The following F13A1 variants were observed in gnomAD, a reference collection of about 807,000 sequenced individuals.
F13A1 encodes coagulation factor XIII A chain.
F13A1 carries 47 observed loss-of-function variants against 80.1 expected under a neutral mutation model. The ratio of observed to expected loss-of-function variants is 0.59; its 90% CI spans 0.46 to 0.75. The LOEUF (loss-of-function observed/expected upper bound fraction) is 0.75, where lower values mean the gene tolerates loss of function less well. Ranked by LOEUF, F13A1 falls within the 30% of genes least tolerant of loss-of-function variation. The probability of loss-of-function intolerance (pLI) is 0.00; values close to 1 mark genes in which losing one functional copy is unlikely to be tolerated. For synonymous variants in F13A1, 349 were observed against 344.9 expected, an observed-to-expected ratio of 1.01 and a Z score of -0.13; for missense variants, 817 against 930.4, an observed-to-expected ratio of 0.88 and a Z score of 1.59.
At chr6:6,184,886 G>A (rs549612025) in intron 10 of F13A1, among the ~76,000 whole-genome samples, 24 of 152,264 alleles carry the variant, frequency 1.6e-4, no homozygotes, top group Non-Finnish European at 1.0e-4. Flanking sequence ...GTGGGATGTG[G>A]AGGGAAATTA....
intron 6 of F13A1, among the ~76,000 whole-genome samples, chr6:6,236,354 T>A (rs1157250482): frequency 1.3e-5 from 2 of 152,112 alleles, no homozygotes; most frequent in Non-Finnish European, 1.5e-5. Context: ...TAAACCAGCA[T>A]CTATAGTATA....
intron 6 of F13A1, among the ~76,000 whole-genome samples, chr6:6,225,497 C>G (rs1757263861): frequency 6.7e-6 from 1 of 150,276 alleles, no homozygotes; most frequent in African/African-American, 2.5e-5. Context: ...TTTTTCTTTT[C>G]TTTTCTCTCT....
chr6:6,166,235 G>T (rs1583051308), intron 13 of F13A1, among the ~76,000 whole-genome samples: 1 of 152,366 alleles, frequency 6.6e-6, no homozygotes, highest in East Asian at 1.9e-4. Context: ...TTGTGGGGTT[G>T]TTGGTGGTTG....
intron 4 of F13A1, among the ~76,000 whole-genome samples, chr6:6,266,324 C>A (rs952090217): frequency 1.3e-5 from 2 of 152,114 alleles, no homozygotes; most frequent in African/African-American, 2.4e-5. Context: ...CTCCAACTCC[C>A]GAACTCAAGC....
At chr6:6,219,212 G>C (rs1001285989) in intron 8 of F13A1, among the ~76,000 whole-genome samples, 2 of 151,936 alleles carry the variant, frequency 1.3e-5, no homozygotes, top group Non-Finnish European at 2.9e-5. Context: ...TCCTTGCTAG[G>C]AAATCCATCA....
intron 13 of F13A1, among the ~76,000 whole-genome samples, chr6:6,163,675 C>CT (rs1561639903): frequency 1.3e-5 from 2 of 152,156 alleles, no homozygotes. Flanking sequence ...TGACCTCATC[C>CT]TTTTTTACAG....
rs542494155 is a variant in F13A1, at chr6:6,190,949, G to C, written c.1305+4848C>G. Among the ~76,000 whole-genome samples, 279 of 152,186 alleles carry C rather than the reference G, an allele frequency of 1.8e-3. 1 individual carries two copies. The highest frequency in any genetic ancestry group is 6.4e-3 in the African/African-American group (266 of 41,516). The stretch of plus-strand genomic sequence containing the variant: ...TGGTGCGCCGTTTTTTAAGCCCGTC[G>C]GAAAAGCGCAGTATTTGGGTGTGAG... On this transcript the variant is annotated intron_variant, in intron 10 of 14. Coordinates refer to ENST00000264870, the MANE Select transcript of F13A1 (RefSeq NM_000129.4).
chr6:6,158,264 G>A (rs992342577), intron 13 of F13A1, among the ~76,000 whole-genome samples: 2 of 152,090 alleles, frequency 1.3e-5, no homozygotes, highest in African/African-American at 4.8e-5. Context: ...GCTATTCCAG[G>A]CCAAGCTGAA....
intron 7 of F13A1, among the ~76,000 whole-genome samples, chr6:6,223,186 T>C (rs987872930): frequency 6.6e-6 from 1 of 152,242 alleles, no homozygotes; most frequent in Non-Finnish European, 1.5e-5. Context: ...CATCTTCAGG[T>C]TTACTCTCGT....
chr6:6,243,257 C>T lies in F13A1; in HGVS notation c.798+5055G>A, dbSNP rs541038774. On this transcript the variant is annotated intron_variant, in intron 6 of 14. Transcript: ENST00000264870. The surrounding 1 kb of genome is among the most constrained non-coding windows in gnomAD (Gnocchi z 4.2). Reference sequence around the variant, plus strand: ...CCATCTCCACCACCACCATCACCATCATCATCACTATCACCACCATAATCA... The same window carrying T: ...CCATCTCCACCACCACCATCACCATTATCATCACTATCACCACCATAATCA... 1.3e-5 allele frequency among the ~76,000 whole-genome samples: 2 copies of T among 151,768 alleles called. No homozygotes were observed. The highest frequency in any genetic ancestry group is 4.8e-5 in the African/African-American group (2 of 41,350).
At chr6:6,208,731 C>A (rs1319966822) in intron 8 of F13A1, among the ~76,000 whole-genome samples, 1 of 151,998 alleles carries the variant, frequency 6.6e-6, no homozygotes, top group Non-Finnish European at 1.5e-5. Context: ...TTACCATGTA[C>A]AAGAGATAAT....
intron 12 of F13A1, among the ~76,000 whole-genome samples, chr6:6,173,349 A>G (rs1433093508): frequency 6.6e-6 from 1 of 152,060 alleles, no homozygotes; most frequent in African/African-American, 2.4e-5. Flanking sequence ...GCAGAGGCAG[A>G]AAACCTCTTC....
intron 11 of F13A1, among the ~76,000 whole-genome samples, chr6:6,177,026 C>G (rs192859433): frequency 1.3e-5 from 2 of 152,172 alleles, no homozygotes; most frequent in African/African-American, 4.8e-5. Context: ...AACAACTGCA[C>G]GGCTTTCCCA....
rs1303422050 is a variant in F13A1, at chr6:6,277,292, C to T, written c.320-10483G>A. Among the ~76,000 whole-genome samples the T allele has an allele frequency of 2.3e-4, 3 of 13,110 alleles. 1 individual carries two copies. Among genetic ancestry groups the T allele is most frequent in the Admixed American group, 1.8e-3 (3 of 1,622 alleles). The allele number at this position is 13,110 out of a possible 152,430, so 8.6% of individuals were successfully genotyped here. ...CGGAGCTTGCAGTGAGCCGAGATCC[C>T]GCCACTGCACTCCAGCCTGGGCGAC... On this transcript the variant is annotated intron_variant, in intron 3 of 14. Transcript: ENST00000264870.
At chr6:6,298,711 G>A (rs1221263545) in intron 3 of F13A1, among the ~76,000 whole-genome samples, 20 of 149,862 alleles carry the variant, frequency 1.3e-4, no homozygotes, top group Non-Finnish European at 2.1e-4. Context: ...CAATTTGCCA[G>A]TCTGTGTCTT....
At position 6,197,263 on chromosome 6, in the gene F13A1, G is replaced by A; in HGVS notation, c.1176C>T (p.Gly392=). The A allele has an allele frequency of 1.2e-6, 2 of 1,614,208 alleles. No homozygotes were observed. The highest frequency in any genetic ancestry group is 1.7e-6 in the Non-Finnish European group (2 of 1,180,028). The stretch of plus-strand genomic sequence containing the variant: ...GGGGGGTGCTGTCCACAGCTTGCCA[G>A]CCTCCAAATCCAACAGGAAGGTCAG... ...TRPDLPVGFG[G]WQAVDSTPQE... Residue 392 remains glycine (G), a synonymous_variant, in exon 9 of 15, where the codon GGC becomes GGT. Transcript: ENST00000264870.
chr6:6,238,726 A>ATATATATATATG (rs1355420988), intron 6 of F13A1, among the ~76,000 whole-genome samples: 1 of 151,348 alleles, frequency 6.6e-6, no homozygotes, highest in African/African-American at 2.4e-5. Context: ...ATATATATAT[A>ATATATATATATG]TATATATAGC....
intron 3 of F13A1, 85 bp downstream of exon 3, chr6:6,305,266 G>A (rs1158270021): frequency 1.6e-5 from 23 of 1,456,076 alleles, no homozygotes; most frequent in Non-Finnish European, 2.0e-5. Flanking sequence ...TATGACACTA[G>A]GAAATCACAC....
chr6:6,316,084 T>TACATATAC (rs1290513460), intron 2 of F13A1, among the ~76,000 whole-genome samples: 9 of 5,664 alleles, frequency 1.6e-3, no homozygotes, highest in African/African-American at 4.7e-3. Context: ...TGTGCATATA[T>TACATATAC]ATATATATAT....
Sources: gnomAD v4.1 joint callset for allele counts (sites outside exome capture counted in the v4.1 genomes callset) on GRCh38, gnomAD v4.1.1 for gene constraint, Gnocchi (gnomAD v3.1) non-coding constraint, MANE v1.5 for transcripts, NCBI Gene and HGNC (gene_info 2026-07-23, HGNC 2026-07-21) for gene names.